Variants in SEMA4G observed in about 807,000 individuals in gnomAD.
The protein encoded by SEMA4G is semaphorin 4G, also known as semaphorin-4G.
SEMA4G carries 59 observed loss-of-function variants against 81.2 expected under a neutral mutation model. The observed-to-expected ratio is 0.73, with a 90% CI of 0.59 to 0.90. SEMA4G has a LOEUF of 0.90. SEMA4G is among the 40% of genes least tolerant of loss of function. The pLI, the probability that SEMA4G is intolerant of heterozygous loss-of-function variation, is 0.00. For synonymous variants in SEMA4G, 404 were observed against 433.9 expected (o/e 0.93, Z 0.86); for missense variants, 952 against 1,102.3 (o/e 0.86, Z 1.93).
rs1850699197 is a variant in SEMA4G, at chr10:100,973,772, A to G, written c.336+163A>G. Reference sequence around the variant, plus strand: ...TGCCAGAGTGGCAAGCCATGGGCACAGCATTTTTTTTTTTTTCTTTTTTTG... The same window carrying G: ...TGCCAGAGTGGCAAGCCATGGGCACGGCATTTTTTTTTTTTTCTTTTTTTG... On this transcript the variant is annotated intron_variant, in intron 3 of 13. Transcript: ENST00000370250. The surrounding 1 kb of genome is among the most constrained non-coding windows in gnomAD (Gnocchi z 5.5). 7.1e-6 allele frequency among the ~76,000 whole-genome samples: 1 copy of G among 141,800 alleles called. No homozygotes were observed. The highest frequency in any genetic ancestry group is 1.5e-5 in the Non-Finnish European group (1 of 66,572). The allele number at this position is 141,800 out of a possible 152,430, so 93.0% of individuals were successfully genotyped here. A position where few individuals can be genotyped will look rare whatever the true frequency, so the allele number is the denominator to read the frequency against.
chr10:100,980,865 C>T (rs755967370), exon 12 of SEMA4G: 6 of 1,605,900 alleles, frequency 3.7e-6, no homozygotes, highest in Non-Finnish European at 4.2e-6. Flanking sequence ...ATCCAGCTAC[C>T]ACTCTCCAGC....
chr10:100,983,748 T>A, exon 14 of SEMA4G: 1 of 1,612,958 alleles, frequency 6.2e-7, no homozygotes, highest in Non-Finnish European at 8.5e-7. Flanking sequence ...CCGACGGAAA[T>A]ACTCACTGGG....
chr10:100,979,998 T>C lies in SEMA4G; in HGVS notation c.1128+6T>C. 3 of 1,613,826 alleles carry C rather than the reference T, an allele frequency of 1.9e-6. No individual in the cohort carries two copies. The highest frequency in any genetic ancestry group is 2.5e-6 in the Non-Finnish European group (3 of 1,179,960). On this transcript the variant is annotated splice_donor_region_variant and intron_variant, in intron 9 of 13. Coordinates refer to ENST00000370250, the Ensembl canonical transcript of SEMA4G. ...CTGAGCCCCGGCCTGGCTCGGTGAG[T>C]GCCCAGGCCTGGGGCCAGTGCTGAG...
chr10:100,974,813 C>T (rs192873308), intron 3 of SEMA4G, among the ~76,000 whole-genome samples: 24 of 151,974 alleles, frequency 1.6e-4, no homozygotes, highest in Admixed American at 1.5e-3. Context: ...AGAGCTTTTA[C>T]AAAATAAACG....
chr10:100,973,116 C>T lies in SEMA4G; in HGVS notation c.125-13C>T. On this transcript the variant is annotated splice_polypyrimidine_tract_variant and intron_variant, in intron 1 of 13. Coordinates refer to ENST00000370250, the Ensembl canonical transcript of SEMA4G. This position sits in a 1 kb window ranked among gnomAD's most constrained non-coding sequence, Gnocchi z 5.5. ...ACCCCAGAACTAGGGCTCACTGTTC[C>T]TGCTCTCCCCAGAGCTCTCTGGGAC... 1 of 1,614,142 alleles carries T rather than the reference C, an allele frequency of 6.2e-7. No homozygotes were observed.
At chr10:100,972,118 G>C (rs1850652563), upstream of SEMA4G, among the ~76,000 whole-genome samples, 1 of 152,158 alleles carries the variant, frequency 6.6e-6, no homozygotes. Flanking sequence ...ATAAACAAAG[G>C]TCCATTAAAC....
exon 4 of SEMA4G, chr10:100,977,688 T>C (rs1850860959): frequency 6.2e-7 from 1 of 1,614,142 alleles, no homozygotes; most frequent in Non-Finnish European, 8.5e-7. Flanking sequence ...CCCACCTCTA[T>C]GCATGTGGGA....
In SEMA4G at chr10:100,983,298, C is replaced by T. The variant is rs1434920721; in HGVS notation, c.1691-7C>T. 4.6e-6 allele frequency: 7 copies of T among 1,521,282 alleles called. No individual in the cohort carries two copies. In the Admixed American group the frequency reaches 1.0e-4, roughly 22 times the overall value. The allele number at this position is 1,521,282 out of a possible 1,614,324, so 94.2% of individuals were successfully genotyped here. ...GCTGGTACTGACCTCTCCCCCAAACCCCACAGGGCCACCACCACCACTGAA... is the reference window on the plus strand; with the variant it reads ...GCTGGTACTGACCTCTCCCCCAAACTCCACAGGGCCACCACCACCACTGAA... On this transcript the variant is annotated splice_polypyrimidine_tract_variant and splice_region_variant and intron_variant, in intron 13 of 13. Coordinates refer to ENST00000370250, the Ensembl canonical transcript of SEMA4G.
At chr10:100,975,556 C>T (rs926715440) in intron 3 of SEMA4G, among the ~76,000 whole-genome samples, 1 of 152,146 alleles carries the variant, frequency 6.6e-6, no homozygotes, top group African/African-American at 2.4e-5. Flanking sequence ...CCCTACCCCC[C>T]TTTAAAAAAT....
exon 14 of SEMA4G, chr10:100,984,795 C>T (rs1403242646): frequency 1.3e-6 from 2 of 1,535,626 alleles, no homozygotes; most frequent in Non-Finnish European, 1.7e-6. Flanking sequence ...AACGGGCCAG[C>T]CTGGGGAGGT....
chr10:100,983,903 A>AC lies in SEMA4G; in HGVS notation c.2289_2290insC (p.Ala764ArgfsTer13). 1 of 117,638 alleles carries AC rather than the reference A, an allele frequency of 8.5e-6. No homozygotes were observed. The highest frequency in any genetic ancestry group is 1.3e-5 in the Non-Finnish European group (1 of 75,372). 7.3% of individuals were successfully genotyped at this position (117,638 alleles called of 1,614,324 possible). A position where few individuals can be genotyped will look rare whatever the true frequency, so the allele number is the denominator to read the frequency against. On this transcript the variant is annotated frameshift_variant, in exon 14 of 14. Coordinates refer to ENST00000370250, the Ensembl canonical transcript of SEMA4G. LOFTEE classifies it high-confidence loss of function. ...AGATCATCCCTGGGGAGGGAGCCCC[A>AC]GCCCCACCACCCCCACCGCCCCCAC...
exon 13 of SEMA4G, chr10:100,981,229 G>A: frequency 1.2e-6 from 2 of 1,614,150 alleles, no homozygotes; most frequent in Non-Finnish European, 1.7e-6. Flanking sequence ...CAGGGATACA[G>A]GTAAGTGACT....
At chr10:100,970,955 T>G (rs948915247), upstream of SEMA4G, among the ~76,000 whole-genome samples, 2 of 152,220 alleles carry the variant, frequency 1.3e-5, no homozygotes, top group African/African-American at 4.8e-5. Flanking sequence ...CTGTGTGACC[T>G]GCTGAATGGA....
upstream of SEMA4G, among the ~76,000 whole-genome samples, chr10:100,971,446 T>C (rs1250564801): frequency 6.6e-6 from 1 of 152,240 alleles, no homozygotes. Flanking sequence ...TATTTGACTC[T>C]ACCCCTCAGG....
At chr10:100,985,099 G>C (rs1057292576), downstream of SEMA4G, 9 of 540,002 alleles carry the variant, frequency 1.7e-5, no homozygotes, top group Non-Finnish European at 2.9e-5. Flanking sequence ...TAGGATGGAT[G>C]ACCAACACTG....
chr10:100,983,188 A>G, intron 13 of SEMA4G, 117 bp from the exon 15 acceptor site: 1 of 1,223,452 alleles, frequency 8.2e-7, no homozygotes, highest in Non-Finnish European at 1.1e-6. Flanking sequence ...GTCAGCTGTC[A>G]CTGTGATTCT....
exon 9 of SEMA4G, chr10:100,979,939 T>C (rs1229991911): frequency 3.1e-6 from 5 of 1,614,086 alleles, no homozygotes; most frequent in Non-Finnish European, 3.4e-6. Context: ...CCAGGATGGT[T>C]CCCGGCGCTG....
At chr10:100,978,377 G>C (rs1850892457) in exon 5 of SEMA4G, 1 of 1,613,214 alleles carries the variant, frequency 6.2e-7, no homozygotes, top group Non-Finnish European at 8.5e-7. Context: ...GGCTTCACAG[G>C]CCTCATCATT....
At chr10:100,980,838 G>A in exon 12 of SEMA4G, 1 of 1,580,020 alleles carries the variant, frequency 6.3e-7, no homozygotes, top group Non-Finnish European at 8.6e-7. Flanking sequence ...CTCTATGTGG[G>A]GGCTCCTAGC....
Sources: gnomAD v4.1 joint callset for allele counts (sites outside exome capture counted in the v4.1 genomes callset) on GRCh38, gnomAD v4.1.1 for gene constraint, Gnocchi (gnomAD v3.1) non-coding constraint, MANE v1.5 for transcripts, NCBI Gene and HGNC (gene_info 2026-07-23, HGNC 2026-07-21) for gene names.